Variants in SH3GL2 observed in about 807,000 individuals in gnomAD.
SH3GL2 encodes the protein endophilin-A1.
SH3GL2 carries 24 observed loss-of-function variants against 46.0 expected under a neutral mutation model. That is an observed-to-expected ratio of 0.52 (90% confidence interval 0.38 to 0.73). SH3GL2 has a LOEUF of 0.73. Among genes scored for constraint, SH3GL2 ranks in the 30% least tolerant of loss-of-function variants. The pLI, the probability that SH3GL2 is intolerant of heterozygous loss-of-function variation, is 0.00. For synonymous variants in SH3GL2, 196 were observed against 147.1 expected (o/e 1.33, Z -2.40); for missense variants, 413 against 424.2 (o/e 0.97, Z 0.23).
At chr9:17,773,315 T>G (rs890808017) in intron 3 of SH3GL2, among the ~76,000 whole-genome samples, 17 of 152,174 alleles carry the variant, frequency 1.1e-4, no homozygotes, top group Non-Finnish European at 2.1e-4. Flanking sequence ...TTAACTTTCG[T>G]GAAGTCCAAT....
intron 1 of SH3GL2, among the ~76,000 whole-genome samples, chr9:17,667,430 A>C (rs1159939516): frequency 6.6e-6 from 1 of 152,098 alleles, no homozygotes; most frequent in Non-Finnish European, 1.5e-5. Context: ...GGATTTGACT[A>C]CTGTTTTTTA....
chr9:17,751,431 C>G (rs1265994593), intron 2 of SH3GL2, among the ~76,000 whole-genome samples: 3 of 151,688 alleles, frequency 2.0e-5, no homozygotes, highest in East Asian at 1.9e-4. Flanking sequence ...ATAAGAAAAA[C>G]TTTTGGCTAT....
At chr9:17,608,197 G>T (rs991090914) in intron 1 of SH3GL2, among the ~76,000 whole-genome samples, 6 of 135,596 alleles carry the variant, frequency 4.4e-5, no homozygotes, top group Admixed American at 1.9e-4. Flanking sequence ...GCCCAGGCTG[G>T]AGTGCAGTGG....
chr9:17,667,756 C>G (rs1351298273), intron 1 of SH3GL2, among the ~76,000 whole-genome samples: 2 of 152,096 alleles, frequency 1.3e-5, no homozygotes, highest in African/African-American at 4.8e-5. Context: ...GCAGTTGTAC[C>G]ATTTTACAAT....
At chr9:17,654,310 C>G (rs750471953) in intron 1 of SH3GL2, among the ~76,000 whole-genome samples, 3 of 152,156 alleles carry the variant, frequency 2.0e-5, no homozygotes, top group Non-Finnish European at 2.9e-5. Context: ...ACATATTACC[C>G]TCTGGTTTTC....
chr9:17,580,323 C>T (rs972837500), intron 1 of SH3GL2, among the ~76,000 whole-genome samples: 6 of 152,138 alleles, frequency 3.9e-5, no homozygotes, highest in Non-Finnish European at 7.4e-5. Flanking sequence ...CTCATAATTT[C>T]TCGGAAGTAG....
At chr9:17,646,923 C>T (rs946028017) in intron 1 of SH3GL2, among the ~76,000 whole-genome samples, 1 of 152,212 alleles carries the variant, frequency 6.6e-6, no homozygotes, top group Non-Finnish European at 1.5e-5. Flanking sequence ...ATCCACTGCT[C>T]TCTTCAGAGC....
intron 1 of SH3GL2, among the ~76,000 whole-genome samples, chr9:17,707,498 G>A (rs1485607182): frequency 6.6e-6 from 1 of 151,972 alleles, no homozygotes; most frequent in Non-Finnish European, 1.5e-5. Flanking sequence ...CATTCTCTGT[G>A]ATCTACCTGT....
intron 3 of SH3GL2, among the ~76,000 whole-genome samples, chr9:17,769,663 A>G (rs1322330238): frequency 2.6e-5 from 4 of 152,058 alleles, no homozygotes; most frequent in Non-Finnish European, 5.9e-5. Context: ...CCCCTATTGA[A>G]AATAGTTTCT....
chr9:17,703,417 G>C lies in SH3GL2; in HGVS notation c.46-43649G>C, dbSNP rs554357067. 2.6e-3 allele frequency among the ~76,000 whole-genome samples: 391 copies of C among 152,028 alleles called. 1 individual carries two copies. Among genetic ancestry groups the C allele is most frequent in the African/African-American group, 9.1e-3 (378 of 41,492 alleles). On this transcript the variant is annotated intron_variant, in intron 1 of 8. Coordinates refer to ENST00000380607, the MANE Select transcript of SH3GL2 (RefSeq NM_003026.5). The stretch of plus-strand genomic sequence containing the variant: ...CATGGCAGTTTCATTTCCAAAAGTT[G>C]AGGAGGAGGGACTCCTCCTTAACTC...
intron 1 of SH3GL2, among the ~76,000 whole-genome samples, chr9:17,623,790 GT>G (rs909227461): frequency 1.6e-4 from 24 of 151,488 alleles, no homozygotes; most frequent in African/African-American, 5.8e-4. Context: ...CTATATCATG[GT>G]CCTTTACTTC....
At chr9:17,702,317 C>G (rs186913896) in intron 1 of SH3GL2, among the ~76,000 whole-genome samples, 89 of 151,882 alleles carry the variant, frequency 5.9e-4, no homozygotes, top group Admixed American at 1.9e-3. Flanking sequence ...TTGAAGAAAC[C>G]AGTGAAGAAA....
At chr9:17,770,118 T>G (rs971957660) in intron 3 of SH3GL2, among the ~76,000 whole-genome samples, 5 of 152,252 alleles carry the variant, frequency 3.3e-5, no homozygotes, top group African/African-American at 1.2e-4. Context: ...AGCTGTTCTC[T>G]GTGTAATATC....
chr9:17,752,436 A>G (rs1329021588), intron 2 of SH3GL2, among the ~76,000 whole-genome samples: 1 of 152,160 alleles, frequency 6.6e-6, no homozygotes, highest in Non-Finnish European at 1.5e-5. Flanking sequence ...TTATGTTACC[A>G]CTGTGAGTTA....
At chr9:17,733,376 C>T (rs574265863) in intron 1 of SH3GL2, among the ~76,000 whole-genome samples, 3 of 152,010 alleles carry the variant, frequency 2.0e-5, no homozygotes, top group Admixed American at 2.0e-4. Flanking sequence ...GCTGCACCCA[C>T]TAACTTGTCA....
chr9:17,682,165 A>G (rs1357517987), intron 1 of SH3GL2, among the ~76,000 whole-genome samples: 1 of 152,144 alleles, frequency 6.6e-6, no homozygotes, highest in East Asian at 1.9e-4. Context: ...TTCCTCAAGG[A>G]TCTACAACCA....
intron 3 of SH3GL2, among the ~76,000 whole-genome samples, chr9:17,769,429 C>T (rs1211990765): frequency 6.6e-6 from 1 of 152,168 alleles, no homozygotes; most frequent in Admixed American, 6.5e-5. Context: ...CAGTTCCATC[C>T]ATTAAAGATG....
intron 1 of SH3GL2, among the ~76,000 whole-genome samples, chr9:17,678,418 CT>C (rs1820673384): frequency 6.6e-6 from 1 of 152,150 alleles, no homozygotes; most frequent in Non-Finnish European, 1.5e-5. Context: ...TGTTTTTTGG[CT>C]GCATAAATGT....
chr9:17,616,405 A>T (rs1818999160), intron 1 of SH3GL2, among the ~76,000 whole-genome samples: 1 of 152,160 alleles, frequency 6.6e-6, no homozygotes, highest in Admixed American at 6.5e-5. Flanking sequence ...ATTGGTGCTT[A>T]AAAAAATTAA....
Sources: gnomAD v4.1 joint callset for allele counts (sites outside exome capture counted in the v4.1 genomes callset) on GRCh38, gnomAD v4.1.1 for gene constraint, MANE v1.5 for transcripts, NCBI Gene and HGNC (gene_info 2026-07-23, HGNC 2026-07-21) for gene names.